CXCL13: variants seen among roughly 807,000 people sequenced by gnomAD.
CXCL13 encodes the protein C-X-C motif chemokine ligand 13.
In CXCL13, 7 loss-of-function variants were observed where a neutral mutation model predicts 12.2. The observed-to-expected ratio is 0.57, with a 90% CI of 0.33 to 1.07. The LOEUF (loss-of-function observed/expected upper bound fraction) is 1.07. Ranked by LOEUF, CXCL13 falls within the 50% of genes least tolerant of loss-of-function variation. The pLI is 0.04. For synonymous variants in CXCL13, 47 were observed against 42.4 expected (o/e 1.11, Z -0.42); for missense variants, 113 against 127.4 (o/e 0.89, Z 0.55).
chr4:77,577,631 C>T (rs1170982821), intron 1 of CXCL13, among the ~76,000 whole-genome samples: 1 of 152,160 alleles, frequency 6.6e-6, no homozygotes, highest in East Asian at 1.9e-4. Context: ...AGTGGATATT[C>T]CCACCACCTA....
intron 2 of CXCL13, among the ~76,000 whole-genome samples, chr4:77,608,527 C>T (rs1053435539): frequency 6.6e-6 from 1 of 152,098 alleles, no homozygotes; most frequent in African/African-American, 2.4e-5. Flanking sequence ...TTTGCGACAC[C>T]TTGAAGTATT....
rs140752760 is a variant in CXCL13, at chr4:77,595,628, G to A, written c.-42-10196G>A. 4.6e-5 allele frequency among the ~76,000 whole-genome samples: 7 copies of A among 152,278 alleles called. No individual in the cohort carries two copies. The East Asian group carries it at 9.6e-4, about 21-fold the overall frequency. On this transcript the variant is annotated intron_variant, in intron 1 of 4. Transcript: ENST00000286758. ...AGTCATGTAGGTGTTAATACTCCAC[G>A]TATATAACTTTGTCCTACTTGCCTA...
At chr4:77,528,115 T>A (rs1016704628) in intron 1 of CXCL13, among the ~76,000 whole-genome samples, 8 of 152,246 alleles carry the variant, frequency 5.3e-5, no homozygotes, top group Non-Finnish European at 1.0e-4. Context: ...GAACTCATCC[T>A]TTTTCATGGC....
intron 1 of CXCL13, among the ~76,000 whole-genome samples, chr4:77,582,827 G>A (rs1252372661): frequency 6.6e-6 from 1 of 152,232 alleles, no homozygotes; most frequent in African/African-American, 2.4e-5. Context: ...GGGTAGGTAA[G>A]AGTTGGTGGT....
intron 1 of CXCL13, among the ~76,000 whole-genome samples, chr4:77,545,662 T>G (rs1029740268): frequency 6.6e-6 from 1 of 152,034 alleles, no homozygotes. Flanking sequence ...GATGACGGGG[T>G]TTTCTAAATA....
chr4:77,557,118 A>T (rs1275357806), intron 1 of CXCL13, among the ~76,000 whole-genome samples: 1 of 152,222 alleles, frequency 6.6e-6, no homozygotes, highest in Non-Finnish European at 1.5e-5. Flanking sequence ...TATTTTCCTG[A>T]GTATAAAGAA....
chr4:77,530,571 T>G (rs1368337788), intron 1 of CXCL13, among the ~76,000 whole-genome samples: 2 of 152,240 alleles, frequency 1.3e-5, no homozygotes, highest in Non-Finnish European at 2.9e-5. Flanking sequence ...TAGAGGTGTT[T>G]ATAGTATTCT....
intron 1 of CXCL13, among the ~76,000 whole-genome samples, chr4:77,536,447 C>A (rs997687907): frequency 6.6e-6 from 1 of 152,100 alleles, no homozygotes; most frequent in Admixed American, 6.6e-5. Context: ...AGCCAGTCTG[C>A]CTGGGTTCAA....
intron 1 of CXCL13, among the ~76,000 whole-genome samples, chr4:77,520,509 C>G (rs1243072958): frequency 6.6e-6 from 1 of 152,148 alleles, no homozygotes; most frequent in Admixed American, 6.5e-5. Flanking sequence ...TCATTTGGCT[C>G]TCTGTTTGTC....
At chr4:77,537,284 G>A (rs1725082466) in intron 1 of CXCL13, among the ~76,000 whole-genome samples, 1 of 152,178 alleles carries the variant, frequency 6.6e-6, no homozygotes, top group South Asian at 2.1e-4. Context: ...AAAGCTGTAT[G>A]AACACGACTG....
At chr4:77,556,501 T>C (rs1172955323) in intron 1 of CXCL13, among the ~76,000 whole-genome samples, 1 of 152,134 alleles carries the variant, frequency 6.6e-6, no homozygotes, top group African/African-American at 2.4e-5. Context: ...ATAATGGAAA[T>C]GTCCTATAGC....
chr4:77,554,939 G>C (rs1292558338), intron 1 of CXCL13, among the ~76,000 whole-genome samples: 1 of 151,658 alleles, frequency 6.6e-6, no homozygotes, highest in African/African-American at 2.4e-5. Flanking sequence ...AGTGATTGGG[G>C]GAAATTTAGA....
intron 1 of CXCL13, among the ~76,000 whole-genome samples, chr4:77,571,750 C>T (rs546111208): frequency 6.6e-6 from 1 of 151,748 alleles, no homozygotes. Context: ...CGCTCCAGTC[C>T]CCTTCCACAC....
At chr4:77,521,367 G>A (rs905974897) in intron 1 of CXCL13, among the ~76,000 whole-genome samples, 1 of 152,072 alleles carries the variant, frequency 6.6e-6, no homozygotes, top group Non-Finnish European at 1.5e-5. Flanking sequence ...TGGTTGGTAG[G>A]CTATTAATTA....
At chr4:77,594,249 T>C (rs1202497873) in intron 1 of CXCL13, among the ~76,000 whole-genome samples, 1 of 152,132 alleles carries the variant, frequency 6.6e-6, no homozygotes, top group East Asian at 1.9e-4. Flanking sequence ...CTTAGCCAAC[T>C]TGCTTCAAGT....
At chr4:77,586,608 G>T (rs1726469327) in intron 1 of CXCL13, among the ~76,000 whole-genome samples, 1 of 152,188 alleles carries the variant, frequency 6.6e-6, no homozygotes, top group Non-Finnish European at 1.5e-5. Context: ...AACATGCTGT[G>T]CTAGGCTGCA....
intron 1 of CXCL13, among the ~76,000 whole-genome samples, chr4:77,595,142 T>A (rs1339865371): frequency 6.6e-6 from 1 of 151,222 alleles, no homozygotes; most frequent in African/African-American, 2.4e-5. Context: ...TCCCTTTGCA[T>A]ATCAGGGAGG....
intron 1 of CXCL13, among the ~76,000 whole-genome samples, chr4:77,518,633 C>G (rs375130530): frequency 4.6e-5 from 7 of 152,186 alleles, no homozygotes; most frequent in African/African-American, 1.7e-4. Context: ...CGAGCCTTGG[C>G]TTTCAGCTTC....
intron 1 of CXCL13, among the ~76,000 whole-genome samples, chr4:77,566,198 C>T (rs149077435): frequency 6.6e-6 from 1 of 152,262 alleles, no homozygotes; most frequent in African/African-American, 2.4e-5. Context: ...TCTTCCGTCC[C>T]GCTTCAGCAA....
Sources: allele counts gnomAD v4.1 joint callset (sites outside exome capture counted in the v4.1 genomes callset), GRCh38; gene constraint gnomAD v4.1.1; transcripts MANE v1.5; gene names NCBI Gene and HGNC (gene_info 2026-07-23, HGNC 2026-07-21).